RYR2: variants seen among roughly 807,000 people sequenced by gnomAD.
RYR2 encodes the protein cardiac muscle ryanodine receptor-calcium release channel.
In RYR2, 227 loss-of-function variants were observed where a neutral mutation model predicts 601.1. That is an observed-to-expected ratio of 0.38 (90% CI 0.34 to 0.42). The LOEUF is 0.42. RYR2 is among the 10% of genes least tolerant of loss of function. The pLI, the probability that RYR2 is intolerant of heterozygous loss-of-function variation, is 1.00. For synonymous variants in RYR2, 2,223 were observed against 2,175.1 expected (o/e 1.02, Z -0.61); for missense variants, 4,646 against 6,156.5 (o/e 0.75, Z 8.21).
At chr1:237,573,984 A>C (rs1427722483) in intron 29 of RYR2, among the ~76,000 whole-genome samples, 1 of 151,828 alleles carries the variant, frequency 6.6e-6, no homozygotes, top group Non-Finnish European at 1.5e-5. Context: ...CATTCCCTCA[A>C]CTCCTCCTCA....
chr1:237,533,479 A>C (rs1053304092), intron 25 of RYR2, among the ~76,000 whole-genome samples: 2 of 152,162 alleles, frequency 1.3e-5, no homozygotes, highest in African/African-American at 4.8e-5. Context: ...TATTTGGAAT[A>C]GCTAAAGAAT....
intron 1 of RYR2, among the ~76,000 whole-genome samples, chr1:237,110,679 C>G (rs963672739): frequency 6.6e-6 from 1 of 152,170 alleles, no homozygotes; most frequent in Non-Finnish European, 1.5e-5. Flanking sequence ...AGGGGCACAC[C>G]TGCTATCTTC....
intron 29 of RYR2, among the ~76,000 whole-genome samples, chr1:237,572,903 T>C (rs1236791969): frequency 1.3e-5 from 2 of 152,174 alleles, no homozygotes; most frequent in African/African-American, 2.4e-5. Context: ...AAAAAGCTCC[T>C]TAATTTACCT....
At chr1:237,100,509 C>T (rs1468095607) in intron 1 of RYR2, among the ~76,000 whole-genome samples, 1 of 152,018 alleles carries the variant, frequency 6.6e-6, no homozygotes, top group Non-Finnish European at 1.5e-5. Context: ...GTCTCAGCTT[C>T]CTGAGCAGCT....
At chr1:237,700,028 G>A (rs576695246) in intron 64 of RYR2, among the ~76,000 whole-genome samples, 1 of 152,246 alleles carries the variant, frequency 6.6e-6, no homozygotes, top group South Asian at 2.1e-4. Context: ...GACTATGAAG[G>A]CATTTGGAAA....
rs1572550164 is a variant in RYR2, at chr1:237,308,626, T to G, written c.169-22252T>G. Among the ~76,000 whole-genome samples, 3 of 152,310 alleles carry G rather than the reference T, an allele frequency of 2.0e-5. No individual in the cohort carries two copies. The East Asian group carries it at 5.8e-4, about 29-fold the overall frequency. On this transcript the variant is annotated intron_variant, in intron 2 of 104. Coordinates refer to ENST00000366574, the MANE Select transcript of RYR2 (RefSeq NM_001035.3). The stretch of plus-strand genomic sequence containing the variant: ...TCAGATGTGTTCGGAGTTTCTTCCT[T>G]CTGGTGGATTCCTGGTCTTGCTGGC...
At chr1:237,538,674 G>A (rs1165067346) in intron 25 of RYR2, among the ~76,000 whole-genome samples, 1 of 151,790 alleles carries the variant, frequency 6.6e-6, no homozygotes. Context: ...GGTAGGCTGA[G>A]CCAGGAAAAT....
At chr1:237,479,046 C>G (rs1347397789) in intron 17 of RYR2, among the ~76,000 whole-genome samples, 3 of 152,204 alleles carry the variant, frequency 2.0e-5, no homozygotes, top group Admixed American at 6.5e-5. Context: ...TCCCTTGTGG[C>G]TTTACTACCC....
chr1:237,284,685 C>CACACACACAG, intron 2 of RYR2, among the ~76,000 whole-genome samples: 1 of 148,996 alleles, frequency 6.7e-6, no homozygotes, highest in Non-Finnish European at 1.5e-5. Flanking sequence ...TATATATGTA[C>CACACACACAG]ACACACACAC....
At chr1:237,688,351 TA>T (rs1346832326) in intron 63 of RYR2, among the ~76,000 whole-genome samples, 1 of 151,994 alleles carries the variant, frequency 6.6e-6, no homozygotes, top group Non-Finnish European at 1.5e-5. Flanking sequence ...AGCTAAGGAT[TA>T]AAAAAATTAA....
At chr1:237,447,509 A>C (rs1657514058) in intron 14 of RYR2, among the ~76,000 whole-genome samples, 1 of 152,176 alleles carries the variant, frequency 6.6e-6, no homozygotes. Flanking sequence ...TATTTGAGTG[A>C]AATTCATTTG....
At chr1:237,443,870 C>G (rs1708115342) in intron 13 of RYR2, among the ~76,000 whole-genome samples, 1 of 152,156 alleles carries the variant, frequency 6.6e-6, no homozygotes, top group South Asian at 2.1e-4. Context: ...TTCTTTGAAA[C>G]TTTATCACAG....
At chr1:237,197,930 T>C (rs535416812) in intron 1 of RYR2, among the ~76,000 whole-genome samples, 1 of 152,254 alleles carries the variant, frequency 6.6e-6, no homozygotes, top group East Asian at 1.9e-4. Flanking sequence ...GGAACTGGTT[T>C]GAAAAAGCAG....
chr1:237,826,702 A>G (rs1052315538), intron 101 of RYR2, among the ~76,000 whole-genome samples: 3 of 152,222 alleles, frequency 2.0e-5, no homozygotes, highest in Admixed American at 2.0e-4. Context: ...TCAGTGCTTT[A>G]TAAATAATTA....
intron 1 of RYR2, among the ~76,000 whole-genome samples, chr1:237,096,184 G>C (rs1226184242): frequency 6.6e-6 from 1 of 152,196 alleles, no homozygotes; most frequent in African/African-American, 2.4e-5. Flanking sequence ...GAAGAGGCCT[G>C]ACGTTAAGCA....
intron 1 of RYR2, among the ~76,000 whole-genome samples, chr1:237,177,918 T>C (rs1480571326): frequency 6.6e-6 from 1 of 152,214 alleles, no homozygotes; most frequent in Non-Finnish European, 1.5e-5. Context: ...ATGGAAAATA[T>C]GTATTTTCCA....
At chr1:237,487,484 G>A (rs1397424462) in intron 17 of RYR2, among the ~76,000 whole-genome samples, 1 of 150,724 alleles carries the variant, frequency 6.6e-6, no homozygotes, top group Non-Finnish European at 1.5e-5. Context: ...TTGGGAGGCT[G>A]GTGGGAGGAT....
At chr1:237,771,450 TATAA>T (rs561197816) in intron 85 of RYR2, among the ~76,000 whole-genome samples, 78 of 151,940 alleles carry the variant, frequency 5.1e-4, no homozygotes, top group African/African-American at 1.8e-3. Context: ...ATGAAAAACA[TATAA>T]ATAGTTATAG....
In RYR2 at chr1:237,723,159, C is replaced by T; in HGVS notation, c.10586C>T (p.Ala3529Val). The change falls in exon 74 of 105, where the codon GCT (alanine) becomes GTT (valine). Residue 3529 changes from alanine (A) to valine (V), a missense_variant. Ala to Val is a moderately conservative substitution (Grantham distance 64, BLOSUM62 0). This residue lies in a region of RYR2 where 1,497 missense variants were observed against 1,842.6 expected (regional missense o/e 0.81). Coordinates refer to ENST00000366574, the MANE Select transcript of RYR2 (RefSeq NM_001035.3). ...GATCCTGCTATTAGATGGCAAATGG[C>T]TCTTTACAAAGACTTACCAAACAGG... ...LEDPAIRWQMALYKDLPNRTD... is the reference protein window; with the variant it reads ...LEDPAIRWQMVLYKDLPNRTD... 6.2e-7 allele frequency: 1 copy of T among 1,611,742 alleles called. No individual in the cohort carries two copies. The highest frequency in any genetic ancestry group is 8.5e-7 in the Non-Finnish European group (1 of 1,178,776).
Sources: allele counts gnomAD v4.1 joint callset (sites outside exome capture counted in the v4.1 genomes callset), GRCh38; gene constraint gnomAD v4.1.1; regional missense constraint gnomAD v4.1.1; transcripts MANE v1.5; gene names NCBI Gene and HGNC (gene_info 2026-07-23, HGNC 2026-07-21).